The following SYT1 variants were observed in gnomAD, a reference collection of about 807,000 sequenced individuals.
The protein encoded by SYT1 is synaptotagmin-1.
Under a neutral mutation model 44.8 loss-of-function variants are expected in SYT1, and 8 were observed. That is an observed-to-expected ratio of 0.18 (90% CI 0.10 to 0.32). The LOEUF is 0.32. SYT1 is among the 10% of genes least tolerant of loss of function. The pLI, the probability that SYT1 is intolerant of heterozygous loss-of-function variation, is 1.00. For synonymous variants in SYT1, 154 were observed against 188.8 expected (o/e 0.82, Z 1.51); for missense variants, 286 against 509.3 (o/e 0.56, Z 4.22).
At chr12:79,158,001 T>C (rs1034919654) in intron 3 of SYT1, among the ~76,000 whole-genome samples, 14 of 152,264 alleles carry the variant, frequency 9.2e-5, no homozygotes, top group South Asian at 4.1e-4. Flanking sequence ...AATTTTGGCA[T>C]TGGGGACCAG....
At chr12:79,142,766 A>G (rs1221441904) in intron 3 of SYT1, among the ~76,000 whole-genome samples, 1 of 152,244 alleles carries the variant, frequency 6.6e-6, no homozygotes, top group East Asian at 1.9e-4. Context: ...CTGGAGAACC[A>G]GAATTCTTTT....
chr12:78,942,607 G>T (rs533500966), intron 1 of SYT1, among the ~76,000 whole-genome samples: 1 of 152,102 alleles, frequency 6.6e-6, no homozygotes, highest in African/African-American at 2.4e-5. Context: ...TTGCTCTGTG[G>T]TTACCTATAT....
At chr12:79,059,620 T>C (rs752200669) in intron 3 of SYT1, among the ~76,000 whole-genome samples, 21 of 152,100 alleles carry the variant, frequency 1.4e-4, no homozygotes, top group Non-Finnish European at 2.8e-4. Flanking sequence ...CAGTAATAAC[T>C]CCATGCACAA....
chr12:79,177,196 C>A (rs1183693847), intron 3 of SYT1, among the ~76,000 whole-genome samples: 20 of 96,940 alleles, frequency 2.1e-4, no homozygotes, highest in African/African-American at 8.4e-4. Flanking sequence ...TCCCTCCCCC[C>A]TCCCCCGACC....
intron 1 of SYT1, among the ~76,000 whole-genome samples, chr12:78,885,312 G>C (rs1045682530): frequency 2.1e-5 from 3 of 143,586 alleles, no homozygotes; most frequent in African/African-American, 7.8e-5. Flanking sequence ...AAGGAGAGAG[G>C]GAGGGAAGAA....
chr12:78,958,492 G>A (rs1786983538), intron 1 of SYT1, among the ~76,000 whole-genome samples: 1 of 151,674 alleles, frequency 6.6e-6, no homozygotes, highest in African/African-American at 2.4e-5. Flanking sequence ...GTCAAGAGTT[G>A]GAGACCAGCC....
chr12:79,217,034 T>C (rs1874850011), intron 3 of SYT1, among the ~76,000 whole-genome samples: 1 of 152,218 alleles, frequency 6.6e-6, no homozygotes, highest in South Asian at 2.1e-4. Context: ...ATAACCATTT[T>C]TAAAGTCACT....
chr12:79,091,888 A>T (rs1606770), intron 3 of SYT1, among the ~76,000 whole-genome samples: 16,983 of 151,978 alleles, frequency 0.11, 1,022 homozygotes, highest in African/African-American at 0.12. Context: ...GGCTTGTTAT[A>T]CTTTGCCTAA....
At chr12:79,310,026 T>C (rs1880690341) in intron 8 of SYT1, among the ~76,000 whole-genome samples, 3 of 152,194 alleles carry the variant, frequency 2.0e-5, no homozygotes, top group Admixed American at 6.5e-5. Context: ...TTTAATTACA[T>C]CCCATTTGTC....
intron 3 of SYT1, among the ~76,000 whole-genome samples, chr12:79,121,644 G>A (rs1333524816): frequency 6.6e-6 from 1 of 152,132 alleles, no homozygotes; most frequent in Admixed American, 6.6e-5. Context: ...ATAAAGTCAG[G>A]CCAGAGACAG....
In SYT1 at chr12:79,060,426, T is replaced by C. The variant is rs149142323; in HGVS notation, c.-18+13064T>C. On this transcript the variant is annotated intron_variant, in intron 3 of 10. Transcript: ENST00000261205. ...TCATCAGCATCAGCCACCCTCAGAA[T>C]TTTTTCATCTTCCCAAAGTGAAACT... Among the ~76,000 whole-genome samples the C allele has an allele frequency of 6.0e-3, 905 of 152,084 alleles. 8 individuals are homozygous for C. The highest frequency in any genetic ancestry group is 0.011 in the Non-Finnish European group (732 of 67,968).
At chr12:79,110,771 T>C (rs989319648) in intron 3 of SYT1, among the ~76,000 whole-genome samples, 1 of 152,278 alleles carries the variant, frequency 6.6e-6, no homozygotes, top group Middle Eastern at 3.4e-3. Flanking sequence ...GATGTACCGA[T>C]GATTGGTTCT....
intron 6 of SYT1, among the ~76,000 whole-genome samples, chr12:79,294,754 A>ACT (rs886170941): frequency 6.6e-6 from 1 of 152,124 alleles, no homozygotes; most frequent in African/African-American, 2.4e-5. Flanking sequence ...CTTAGCAAAC[A>ACT]AAGAGACAGA....
At chr12:78,956,016 G>C (rs1482277088) in intron 1 of SYT1, among the ~76,000 whole-genome samples, 1 of 151,976 alleles carries the variant, frequency 6.6e-6, no homozygotes, top group Non-Finnish European at 1.5e-5. Context: ...AGGTGTGTGG[G>C]TAAGGATGGA....
In SYT1 at chr12:79,256,914, A is replaced by G. The variant is rs866341937; in HGVS notation, c.167-28873A>G. ...CATGATTCATCTTTAAATTAACTTC[A>G]GGAAATCTCAAATCAAAGCTTCCTA... On this transcript the variant is annotated intron_variant, in intron 4 of 10. Transcript: ENST00000261205. Among the ~76,000 whole-genome samples, 16 of 152,332 alleles carry G rather than the reference A, an allele frequency of 1.1e-4. 1 individual carries two copies. In the Middle Eastern group the frequency reaches 0.014, roughly 130 times the overall value.
At chr12:79,376,958 G>A (rs1330069959) in intron 9 of SYT1, among the ~76,000 whole-genome samples, 1 of 152,118 alleles carries the variant, frequency 6.6e-6, no homozygotes, top group Non-Finnish European at 1.5e-5. Context: ...AAACAAGAAA[G>A]CAATAAAATC....
chr12:78,908,632 T>C (rs1328008299), intron 1 of SYT1, among the ~76,000 whole-genome samples: 1 of 151,894 alleles, frequency 6.6e-6, no homozygotes, highest in East Asian at 1.9e-4. Flanking sequence ...GGTTTTCCCA[T>C]GTTCCAGTGG....
intron 9 of SYT1, among the ~76,000 whole-genome samples, chr12:79,396,627 C>A (rs1884880771): frequency 6.6e-6 from 1 of 152,058 alleles, no homozygotes; most frequent in African/African-American, 2.4e-5. Flanking sequence ...TTTATAAATT[C>A]TATATCTAGG....
chr12:79,203,310 T>C (rs1264012901), intron 3 of SYT1, among the ~76,000 whole-genome samples: 2 of 152,192 alleles, frequency 1.3e-5, no homozygotes, highest in Non-Finnish European at 1.5e-5. Flanking sequence ...ATAGAGTATC[T>C]ATCTGCCTTC....
Sources: gnomAD v4.1 joint callset for allele counts (sites outside exome capture counted in the v4.1 genomes callset) on GRCh38, gnomAD v4.1.1 for gene constraint, MANE v1.5 for transcripts, NCBI Gene and HGNC (gene_info 2026-07-23, HGNC 2026-07-21) for gene names.